Variants in C12orf42 observed in about 807,000 individuals in gnomAD.
C12orf42 encodes uncharacterized protein C12orf42.
Under a neutral mutation model 21.6 loss-of-function variants are expected in C12orf42, and 25 were observed. The observed-to-expected ratio is 1.16, with a 90% CI of 0.84 to 1.62. The LOEUF is 1.62. C12orf42 is among the 40% of genes most tolerant of loss of function. The pLI, the probability that C12orf42 is intolerant of heterozygous loss-of-function variation, is 0.00. For missense variants in C12orf42, 483 were observed against 459.3 expected (o/e 1.05, Z -0.47); for synonymous variants, 174 against 175.0 (o/e 0.99, Z 0.05).
chr12:103,220,402 AT>A, the C12orf42 span, among the ~76,000 whole-genome samples: 24 of 152,228 alleles, frequency 1.6e-4, no homozygotes, highest in African/African-American at 5.5e-4. Flanking sequence ...TAATAAAAAA[AT>A]AATAGATAGA....
upstream of C12orf42, among the ~76,000 whole-genome samples, chr12:103,497,518 C>T (rs1955594054): frequency 6.6e-6 from 1 of 152,172 alleles, no homozygotes; most frequent in Non-Finnish European, 1.5e-5. Context: ...CTCTTAACCC[C>T]AACAATATCA....
the C12orf42 span, among the ~76,000 whole-genome samples, chr12:103,226,377 G>T: frequency 6.6e-6 from 1 of 152,172 alleles, no homozygotes; most frequent in Non-Finnish European, 1.5e-5. Flanking sequence ...AGCAGATTGG[G>T]TAATAAAATG....
At chr12:103,337,634 G>A (rs1392561747) in intron 4 of C12orf42, among the ~76,000 whole-genome samples, 1 of 152,156 alleles carries the variant, frequency 6.6e-6, no homozygotes, top group Non-Finnish European at 1.5e-5. Flanking sequence ...TTACAGGTGT[G>A]AGCCACCATG....
At chr12:103,378,941 T>C (rs1161041456) in intron 3 of C12orf42, 1 of 151,682 alleles carries the variant, frequency 6.6e-6, no homozygotes, top group Non-Finnish European at 1.5e-5. Flanking sequence ...TGTTTGCAAA[T>C]GAAGAAAAGA....
At chr12:103,375,544 C>T (rs12320856) in intron 3 of C12orf42, among the ~76,000 whole-genome samples, 18,076 of 152,076 alleles carry the variant, frequency 0.12, 1,298 homozygotes, top group African/African-American at 0.21. Context: ...CAAAAAACGG[C>T]TTATGATCAA....
At chr12:103,134,164 A>G in the C12orf42 span, among the ~76,000 whole-genome samples, 843 of 152,322 alleles carry the variant, frequency 5.5e-3, 8 homozygotes, top group South Asian at 0.027. Context: ...GTTATACCTG[A>G]GTGCCAATAT....
intron 2 of C12orf42, among the ~76,000 whole-genome samples, chr12:103,413,283 G>A (rs2049006999): frequency 6.6e-6 from 1 of 152,118 alleles, no homozygotes; most frequent in African/African-American, 2.4e-5. Context: ...TCATTTTTGA[G>A]TTTTCTATTC....
At chr12:103,495,563 C>T (rs1955484212) in intron 1 of C12orf42, among the ~76,000 whole-genome samples, 1 of 151,894 alleles carries the variant, frequency 6.6e-6, no homozygotes, top group Non-Finnish European at 1.5e-5. Context: ...TGCTCGCTGT[C>T]AATGCATCAC....
chr12:103,072,848 A>T, the C12orf42 span, among the ~76,000 whole-genome samples: 1 of 152,160 alleles, frequency 6.6e-6, no homozygotes, highest in Admixed American at 6.6e-5. Context: ...AAGGAATATA[A>T]ATTGTTCTGT....
the C12orf42 span, among the ~76,000 whole-genome samples, chr12:103,192,383 G>A: frequency 6.6e-6 from 1 of 151,634 alleles, no homozygotes; most frequent in Non-Finnish European, 1.5e-5. Flanking sequence ...TGTGCCTGTA[G>A]TCCCAGCCAC....
At chr12:103,540,443 T>C in the C12orf42 span, among the ~76,000 whole-genome samples, 25 of 152,236 alleles carry the variant, frequency 1.6e-4, no homozygotes, top group African/African-American at 5.1e-4. Flanking sequence ...TTTCTCCTTG[T>C]AGTTACTTTT....
At chr12:103,105,486 C>T in the C12orf42 span, among the ~76,000 whole-genome samples, 3 of 152,164 alleles carry the variant, frequency 2.0e-5, no homozygotes, top group South Asian at 4.2e-4. Flanking sequence ...ACAATAGACA[C>T]TATGGACTAT....
the C12orf42 span, among the ~76,000 whole-genome samples, chr12:103,092,828 C>A: frequency 1.3e-5 from 2 of 151,164 alleles, no homozygotes; most frequent in Non-Finnish European, 2.9e-5. Flanking sequence ...CCCTTTTCCT[C>A]AACCTTGCTA....
chr12:103,326,500 C>A (rs768506413), intron 4 of C12orf42, among the ~76,000 whole-genome samples: 3 of 152,218 alleles, frequency 2.0e-5, no homozygotes, highest in Non-Finnish European at 2.9e-5. Flanking sequence ...CAAGGCCCTA[C>A]ATGATCTAGC....
chr12:103,485,035 A>G (rs759358155), intron 1 of C12orf42, among the ~76,000 whole-genome samples: 1 of 151,854 alleles, frequency 6.6e-6, no homozygotes, highest in African/African-American at 2.4e-5. Context: ...ATGCAAGGCT[A>G]ATTTTTTGTA....
upstream of C12orf42, among the ~76,000 whole-genome samples, chr12:103,499,490 C>A (rs1287465988): frequency 6.6e-6 from 1 of 152,134 alleles, no homozygotes; most frequent in East Asian, 1.9e-4. Flanking sequence ...GATGAGTGAG[C>A]CATGAACTGT....
At chr12:103,514,852 A>G in the C12orf42 span, among the ~76,000 whole-genome samples, 1 of 152,184 alleles carries the variant, frequency 6.6e-6, no homozygotes, top group East Asian at 1.9e-4. Context: ...GGAGTTCAAG[A>G]CGATAGCACA....
chr12:103,394,873 T>A (rs975245541), intron 3 of C12orf42, among the ~76,000 whole-genome samples: 1 of 152,102 alleles, frequency 6.6e-6, no homozygotes, highest in Non-Finnish European at 1.5e-5. Flanking sequence ...GTGGGAGATA[T>A]GGTACAAAGG....
At chr12:103,172,200 A>G in the C12orf42 span, among the ~76,000 whole-genome samples, 14 of 152,004 alleles carry the variant, frequency 9.2e-5, no homozygotes, top group African/African-American at 3.4e-4. Flanking sequence ...AAATTTCCCA[A>G]TCTGTGATAG....
Sources: allele counts gnomAD v4.1 joint callset (sites outside exome capture counted in the v4.1 genomes callset), GRCh38; gene constraint gnomAD v4.1.1; transcripts MANE v1.5; gene names NCBI Gene and HGNC (gene_info 2026-07-23, HGNC 2026-07-21).